PRMT8: variants seen among roughly 807,000 people sequenced by gnomAD.
PRMT8 encodes protein arginine N-methyltransferase 8.
A neutral mutation model predicts 47.1 loss-of-function variants in PRMT8; 7 were observed. That is an observed-to-expected ratio of 0.15 (90% CI 0.08 to 0.28). The LOEUF is 0.28. Ranked by LOEUF, PRMT8 falls within the 10% of genes least tolerant of loss-of-function variation. The pLI is 1.00. For missense variants in PRMT8, 237 were observed against 505.4 expected (o/e 0.47, Z 5.09); for synonymous variants, 188 against 186.5 (o/e 1.01, Z -0.07).
chr12:3,424,704 C>T (rs989591677), intron 1 of PRMT8, among the ~76,000 whole-genome samples: 7 of 152,100 alleles, frequency 4.6e-5, no homozygotes, highest in African/African-American at 1.7e-4. Context: ...GGGCTACATA[C>T]CTTGTATAGC....
intron 1 of PRMT8, among the ~76,000 whole-genome samples, chr12:3,407,919 C>T (rs1049088590): frequency 3.0e-4 from 45 of 151,804 alleles, no homozygotes; most frequent in Non-Finnish European, 6.3e-4. Flanking sequence ...CTCCATTGTA[C>T]TTTTCATTTC....
In PRMT8 at chr12:3,491,530, T is replaced by G; in HGVS notation, c.-96T>G. 1 of 1,471,300 alleles carries G rather than the reference T, an allele frequency of 6.8e-7. No homozygotes were observed. Among genetic ancestry groups the G allele is most frequent in the Non-Finnish European group, 9.0e-7 (1 of 1,112,092 alleles). 91.1% of individuals were successfully genotyped at this position (1,471,300 alleles called of 1,614,324 possible). A position where few individuals can be genotyped will look rare whatever the true frequency, so the allele number is the denominator to read the frequency against. On this transcript the variant is annotated 5_prime_UTR_variant, in exon 1 of 10. Transcript: ENST00000382622. ...CAGCTGAGGGGCTGGGTTGGATTTTTTTTTTTCTCCCATCCTCTCGCTCTC... is the reference window on the plus strand; with the variant it reads ...CAGCTGAGGGGCTGGGTTGGATTTTGTTTTTTCTCCCATCCTCTCGCTCTC...
At chr12:3,437,622 C>CCATATA (rs1369691506) in intron 1 of PRMT8, among the ~76,000 whole-genome samples, 2 of 142,820 alleles carry the variant, frequency 1.4e-5, no homozygotes, top group African/African-American at 5.4e-5. Context: ...TGCATTCAGG[C>CCATATA]TATATATATA....
At chr12:3,540,845 T>C in intron 2 of PRMT8, 54 bp downstream of exon 2, 1 of 1,552,564 alleles carries the variant, frequency 6.4e-7, no homozygotes. Context: ...TGCTGTTCTG[T>C]TGTTTTCAGA....
intron 1 of PRMT8, among the ~76,000 whole-genome samples, chr12:3,480,827 A>G (rs1014600052): frequency 2.6e-5 from 4 of 152,134 alleles, no homozygotes; most frequent in Non-Finnish European, 5.9e-5. Context: ...ACCTCCCACC[A>G]TTAGAGATTC....
At chr12:3,525,991 C>G (rs2137147447) in intron 1 of PRMT8, among the ~76,000 whole-genome samples, 1 of 152,318 alleles carries the variant, frequency 6.6e-6, no homozygotes, top group Admixed American at 6.5e-5. Flanking sequence ...TTTCGTCTTG[C>G]AAAACTGAAA....
At chr12:3,422,400 A>G (rs1256805964) in intron 1 of PRMT8, among the ~76,000 whole-genome samples, 3 of 152,138 alleles carry the variant, frequency 2.0e-5, no homozygotes, top group Non-Finnish European at 4.4e-5. Context: ...GCAGACAAGA[A>G]CCCTTCAGAC....
rs1468830559 is a variant in PRMT8 at position 3,576,374 on chromosome 12, T to G, written c.713-497T>G. On this transcript the variant is annotated intron_variant, in intron 6 of 9. Transcript: ENST00000382622. The surrounding 1 kb of genome is among the most constrained non-coding windows in gnomAD (Gnocchi z 4.0). ...TTGATTTCACGTTAAAAGCCCATGA[T>G]TCTCTGTGCTGCATTAAAGGTTCAG... 3.3e-5 allele frequency among the ~76,000 whole-genome samples: 5 copies of G among 152,346 alleles called. No homozygotes were observed. In the South Asian group the frequency reaches 1.0e-3, roughly 32 times the overall value.
intron 3 of PRMT8, chr12:3,551,081 C>A (rs1866412278): frequency 6.7e-6 from 1 of 148,332 alleles, no homozygotes; most frequent in Admixed American, 6.7e-5. Context: ...TGGGGACCCC[C>A]CCCCGCCCAC....
At chr12:3,575,729 C>T (rs1051094075) in intron 6 of PRMT8, among the ~76,000 whole-genome samples, 1 of 152,206 alleles carries the variant, frequency 6.6e-6, no homozygotes, top group Non-Finnish European at 1.5e-5. Flanking sequence ...TCAATGACTG[C>T]AATTATTGGC....
upstream of PRMT8, among the ~76,000 whole-genome samples, chr12:3,486,867 G>C (rs1004681196): frequency 6.6e-6 from 1 of 152,240 alleles, no homozygotes; most frequent in African/African-American, 2.4e-5. Flanking sequence ...GACATTATCA[G>C]AGCAAGGAAG....
chr12:3,494,646 GGAGA>G lies in PRMT8; in HGVS notation c.75+2949_75+2952del, dbSNP rs936647698. Among the ~76,000 whole-genome samples, 93 of 152,208 alleles carry G rather than the reference GGAGA, an allele frequency of 6.1e-4. 1 individual carries two copies. The highest frequency in any genetic ancestry group is 2.0e-4 in the Admixed American group (3 of 15,274). ...GTGTTCGTTCAAAAGCTAAAGCTAC[GGAGA>G]GATACTCTAACCATTGGGCAGGAAG... is the stretch of plus-strand genomic sequence containing the variant. On this transcript the variant is annotated intron_variant, in intron 1 of 9. Transcript: ENST00000382622.
chr12:3,510,402 G>T (rs182286766), intron 1 of PRMT8, among the ~76,000 whole-genome samples: 15 of 152,260 alleles, frequency 9.9e-5, no homozygotes, highest in South Asian at 6.2e-4. Flanking sequence ...ATAAATAGAT[G>T]GAAGATATTG....
intron 2 of PRMT8, among the ~76,000 whole-genome samples, chr12:3,545,579 C>G (rs1866312830): frequency 6.6e-6 from 1 of 152,150 alleles, no homozygotes; most frequent in African/African-American, 2.4e-5. Flanking sequence ...TGTATCTCAC[C>G]TGAATCTCCT....
At chr12:3,423,275 C>G (rs1165457417) in intron 1 of PRMT8, among the ~76,000 whole-genome samples, 1 of 152,158 alleles carries the variant, frequency 6.6e-6, no homozygotes, top group South Asian at 2.1e-4. Context: ...TAGTTGAGAG[C>G]CAATTTATTT....
chr12:3,565,582 T>C (rs1206633310), intron 4 of PRMT8, among the ~76,000 whole-genome samples: 1 of 152,190 alleles, frequency 6.6e-6, no homozygotes, highest in Non-Finnish European at 1.5e-5. Flanking sequence ...AAGTCCAGAC[T>C]GTTGAGGATT....
At chr12:3,526,134 G>A (rs528563631) in intron 1 of PRMT8, among the ~76,000 whole-genome samples, 1 of 152,120 alleles carries the variant, frequency 6.6e-6, no homozygotes, top group East Asian at 1.9e-4. Flanking sequence ...GTCTTTTCGT[G>A]TCTGGCTTAT....
Position 3,491,832 on chromosome 12 carries a change from CTG to C in PRMT8, c.75+188_75+189del, listed in dbSNP as rs531683101. On this transcript the variant is annotated intron_variant, in intron 1 of 9. Coordinates refer to ENST00000382622, the MANE Select transcript of PRMT8 (RefSeq NM_019854.5). Reference sequence around the variant, plus strand: ...CCCGCTCGCTTCTGCCGGCCTCCTCCTGTGTGTGTGTGTGTGTGTGTGTGTGT... The same window carrying C: ...CCCGCTCGCTTCTGCCGGCCTCCTCCTGTGTGTGTGTGTGTGTGTGTGTGT... 1,485 of 536,266 alleles carry C rather than the reference CTG, an allele frequency of 2.8e-3. 49 individuals carry two copies. The highest frequency in any genetic ancestry group is 0.019 in the African/African-American group (367 of 19,230). 33.2% of individuals were successfully genotyped at this position (536,266 alleles called of 1,614,324 possible).
At chr12:3,385,762 C>G (rs532373772) in intron 1 of PRMT8, among the ~76,000 whole-genome samples, 2 of 152,356 alleles carry the variant, frequency 1.3e-5, no homozygotes, top group East Asian at 3.9e-4. Context: ...TGATTCCAGG[C>G]ATTGCAAAGC....
Sources: gnomAD v4.1 joint callset for allele counts (sites outside exome capture counted in the v4.1 genomes callset) on GRCh38, gnomAD v4.1.1 for gene constraint, Gnocchi (gnomAD v3.1) non-coding constraint, MANE v1.5 for transcripts, NCBI Gene and HGNC (gene_info 2026-07-23, HGNC 2026-07-21) for gene names.